Variants in REEP2 observed in about 807,000 individuals in gnomAD.
REEP2 encodes receptor expression-enhancing protein 2.
REEP2 carries 9 observed loss-of-function variants against 32.1 expected under a neutral mutation model. The ratio of observed to expected loss-of-function variants is 0.28; its 90% CI spans 0.17 to 0.49. The LOEUF is 0.49. REEP2 is among the 20% of genes least tolerant of loss of function. REEP2 has a pLI of 0.99. For synonymous variants in REEP2, 128 were observed against 139.1 expected, an observed-to-expected ratio of 0.92 and a Z score of 0.56; for missense variants, 236 against 338.0, an observed-to-expected ratio of 0.70 and a Z score of 2.37.
intron 1 of REEP2, chr5:138,439,597 C>T (rs981439320): frequency 1.2e-5 from 6 of 488,408 alleles, no homozygotes; most frequent in Non-Finnish European, 2.0e-5. Flanking sequence ...GGAGGAGATC[C>T]TCAGACCCGG....
At chr5:138,439,615 C>T (rs1052746200) in intron 1 of REEP2, 1 of 478,134 alleles carries the variant, frequency 2.1e-6, no homozygotes, top group South Asian at 1.5e-5. Flanking sequence ...CGGGCCCTGT[C>T]CCTCTGGGGG....
intron 3 of REEP2, chr5:138,443,605 G>C (rs1763868783): frequency 1.3e-5 from 2 of 149,068 alleles, no homozygotes; most frequent in South Asian, 4.3e-4. Flanking sequence ...GCAGTGGTGT[G>C]ATCTCGGCTC....
chr5:138,446,011 C>A lies in REEP2; in HGVS notation c.*260C>A. On this transcript the variant is annotated 3_prime_UTR_variant, in exon 8 of 8. Coordinates refer to ENST00000378339, the MANE Select transcript of REEP2 (RefSeq NM_001271803.2). Reference sequence around the variant, plus strand: ...GCCACCCAAGGAGGTGGGGACTGCTCGGCCTCCACCGCTGTTCCGCTGCAG... The same window carrying A: ...GCCACCCAAGGAGGTGGGGACTGCTAGGCCTCCACCGCTGTTCCGCTGCAG... 1 of 508,696 alleles carries A rather than the reference C, an allele frequency of 2.0e-6. No individual in the cohort carries two copies. Among genetic ancestry groups the A allele is most frequent in the African/African-American group, 1.9e-5 (1 of 52,030 alleles). The allele number at this position is 508,696 out of a possible 1,614,324, so 31.5% of individuals were successfully genotyped here.
intron 1 of REEP2, among the ~76,000 whole-genome samples, chr5:138,439,485 C>T (rs984481217): frequency 1.3e-5 from 2 of 152,324 alleles, no homozygotes; most frequent in East Asian, 3.9e-4. Flanking sequence ...TCTTTTATTT[C>T]TACCGTCCTT....
At chr5:138,442,195 AAT>A (rs1763838873) in intron 3 of REEP2, among the ~76,000 whole-genome samples, 1 of 152,210 alleles carries the variant, frequency 6.6e-6, no homozygotes. Flanking sequence ...GAGGACAGGG[AAT>A]ATGTCTTAAT....
At chr5:138,442,967 C>T (rs1007816220) in intron 3 of REEP2, among the ~76,000 whole-genome samples, 8 of 145,838 alleles carry the variant, frequency 5.5e-5, no homozygotes, top group Non-Finnish European at 1.2e-4. Flanking sequence ...CGGAGGTTGC[C>T]GTGAGCCGAG....
intron 1 of REEP2, chr5:138,439,899 T>C: frequency 2.6e-6 from 1 of 386,090 alleles, no homozygotes; most frequent in Non-Finnish European, 5.2e-6. Context: ...CTCCGTGGCC[T>C]TCATTCCAGG....
Position 138,444,547 on chromosome 5 carries a change from C to A in REEP2, c.303+12C>A, listed in dbSNP as rs781278012. 3 of 1,613,574 alleles carry A rather than the reference C, an allele frequency of 1.9e-6. No individual in the cohort carries two copies. Among genetic ancestry groups the A allele is most frequent in the South Asian group, 2.2e-5 (2 of 91,024 alleles). ...CCAACAAGGAGAAGGTTTGCCCCCA[C>A]TCTCAGCTCACCTCCCAGCCTGCCC... On this transcript the variant is annotated intron_variant, in intron 4 of 7. Coordinates refer to ENST00000378339, the MANE Select transcript of REEP2 (RefSeq NM_001271803.2).
At position 138,441,152 on chromosome 5, in the gene REEP2, T is replaced by C. The variant is rs1763816373; in HGVS notation, c.105+64T>C. On this transcript the variant is annotated intron_variant, in intron 2 of 7. Transcript: ENST00000378339. The surrounding 1 kb of genome is among the most constrained non-coding windows in gnomAD (Gnocchi z 4.4). The stretch of plus-strand genomic sequence containing the variant: ...GGCACAGAGAGGGGAGGGCACTGGG[T>C]CCTATTACAGATGGGGGTGACTTTG... 6.3e-7 allele frequency: 1 copy of C among 1,597,874 alleles called. No homozygotes were observed. Among genetic ancestry groups the C allele is most frequent in the Non-Finnish European group, 8.5e-7 (1 of 1,169,660 alleles).
intron 5 of REEP2, 64 bp from the exon 6 acceptor site, chr5:138,445,164 G>A (rs924140772): frequency 5.3e-6 from 8 of 1,510,766 alleles, no homozygotes; most frequent in Non-Finnish European, 5.3e-6. Context: ...CCAGCACCAT[G>A]GTGACCTCTA....
chr5:138,444,230 G>T, intron 3 of REEP2, 185 bp from the exon 4 acceptor site: 1 of 584,744 alleles, frequency 1.7e-6, no homozygotes. Context: ...CTTCCTGTTT[G>T]GAGCTTCAGC....
intron 1 of REEP2, chr5:138,439,815 A>T: frequency 2.2e-6 from 1 of 454,534 alleles, no homozygotes; most frequent in Non-Finnish European, 4.4e-6. Flanking sequence ...CTCGGAGGAC[A>T]AAGTGTGAGA....
rs1196305930 is a variant in REEP2, at chr5:138,441,096, G to A, written c.105+8G>A. The A allele has an allele frequency of 3.1e-6, 5 of 1,613,762 alleles. No homozygotes were observed. Among genetic ancestry groups the A allele is most frequent in the Non-Finnish European group, 3.4e-6 (4 of 1,179,984 alleles). ...AAAAACGTGAAGGAATATGTGAGTG[G>A]ATGACCCTTCACCCCCTACCCAACC... On this transcript the variant is annotated splice_region_variant and intron_variant, in intron 2 of 7. Transcript: ENST00000378339. The surrounding 1 kb of genome is among the most constrained non-coding windows in gnomAD (Gnocchi z 4.4).
Position 138,439,177 on chromosome 5 carries a change from G to T in REEP2, c.-32G>T, listed in dbSNP as rs745450683. On this transcript the variant is annotated 5_prime_UTR_variant, in exon 1 of 8. Transcript: ENST00000378339. ...GGCAGCTGCATCCTCGGCCGGGCCG[G>T]GTCCCCGCCCCGCGCCGCGCCCGGC... is the stretch of plus-strand genomic sequence containing the variant. 2.2e-6 allele frequency: 3 copies of T among 1,350,960 alleles called. No homozygotes were observed. The highest frequency in any genetic ancestry group is 2.8e-6 in the Non-Finnish European group (3 of 1,053,536). The allele number at this position is 1,350,960 out of a possible 1,614,324, so 83.7% of individuals were successfully genotyped here.
Position 138,445,323 on chromosome 5 carries a change from CGGCCGCCTCCGACCCAGCCCT to C in REEP2, c.517_537del (p.Arg173_Gly179del). 1 of 1,613,526 alleles carries C rather than the reference CGGCCGCCTCCGACCCAGCCCT, an allele frequency of 6.2e-7. No individual in the cohort carries two copies. The highest frequency in any genetic ancestry group is 1.1e-5 in the South Asian group (1 of 91,050). ...ACGCACTGCCCCTGCAGAGGCCTGA[CGGCCGCCTCCGACCCAGCCCT>C]GGCAGCCTCCTGGACACCATCGAGG... On this transcript the variant is annotated inframe_deletion, in exon 6 of 8. Transcript: ENST00000378339.
At chr5:138,444,902 C>T (rs1456984269) in intron 5 of REEP2, 35 bp downstream of exon 5, 8 of 1,509,640 alleles carry the variant, frequency 5.3e-6, no homozygotes, top group Non-Finnish European at 7.3e-6. Context: ...CCCAGGGCCC[C>T]TACCTTGTAC....
Position 138,445,293 on chromosome 5 carries a change from C to G in REEP2, c.483C>G (p.Asp161Glu), listed in dbSNP as rs769190035. ...FSMQDLTLIR[D>E]EDALPLQRPD... Reference sequence around the variant, plus strand: ...TGCAGGACCTGACCCTGATCCGGGACGAGGACGCACTGCCCCTGCAGAGGC... The same window carrying G: ...TGCAGGACCTGACCCTGATCCGGGAGGAGGACGCACTGCCCCTGCAGAGGC... The change falls in exon 6 of 8, where the codon GAC becomes GAG. Residue 161 changes from aspartate to glutamate, a missense_variant. Coordinates refer to ENST00000378339, the MANE Select transcript of REEP2 (RefSeq NM_001271803.2). 1 of 1,613,546 alleles carries G rather than the reference C, an allele frequency of 6.2e-7. No homozygotes were observed.
At position 138,445,815 on chromosome 5, in the gene REEP2, C is replaced by A; in HGVS notation, c.*64C>A. ...CCTCAGGAGGGGCCTCAGACCCAGC[C>A]CCTGCTCCACACTGTGCCAGTAGCC... On this transcript the variant is annotated 3_prime_UTR_variant, in exon 8 of 8. Coordinates refer to ENST00000378339, the MANE Select transcript of REEP2 (RefSeq NM_001271803.2). 1 of 1,493,954 alleles carries A rather than the reference C, an allele frequency of 6.7e-7. No homozygotes were observed. Among genetic ancestry groups the A allele is most frequent in the South Asian group, 1.2e-5 (1 of 81,708 alleles). 92.5% of individuals were successfully genotyped at this position (1,493,954 alleles called of 1,614,324 possible).
Position 138,446,923 on chromosome 5 carries a change from C to A in REEP2, c.*1172C>A, listed in dbSNP as rs1192745504. On this transcript the variant is annotated 3_prime_UTR_variant, in exon 8 of 8. Coordinates refer to ENST00000378339, the MANE Select transcript of REEP2 (RefSeq NM_001271803.2). ...CTTGGGAAGAGGGTGCCCATTGGAC[C>A]TTTGGCACTGGATGAGCCAATAAAC... 1 of 152,272 alleles carries A rather than the reference C, an allele frequency of 6.6e-6. No homozygotes were observed. The highest frequency in any genetic ancestry group is 1.5e-5 in the Non-Finnish European group (1 of 68,070). 9.4% of individuals were successfully genotyped at this position (152,272 alleles called of 1,614,324 possible).
Sources: allele counts gnomAD v4.1 joint callset (sites outside exome capture counted in the v4.1 genomes callset), GRCh38; gene constraint gnomAD v4.1.1; non-coding constraint Gnocchi (gnomAD v3.1); transcripts MANE v1.5; gene names NCBI Gene and HGNC (gene_info 2026-07-23, HGNC 2026-07-21).